TRPC4: variants seen among roughly 807,000 people sequenced by gnomAD.
TRPC4 encodes transient receptor potential cation channel subfamily C member 4.
In TRPC4, 49 loss-of-function variants were observed where a neutral mutation model predicts 99.4. That is an observed-to-expected ratio of 0.49 (90% CI 0.39 to 0.63). TRPC4 has a LOEUF of 0.63. Among genes scored for constraint, TRPC4 ranks in the 20% least tolerant of loss-of-function variants. The probability of loss-of-function intolerance (pLI) is 0.00; values close to 1 mark genes in which losing one functional copy is unlikely to be tolerated. For synonymous variants in TRPC4, 454 were observed against 425.9 expected, an observed-to-expected ratio of 1.07 and a Z score of -0.81; for missense variants, 898 against 1,152.9, an observed-to-expected ratio of 0.78 and a Z score of 3.20.
In TRPC4 at chr13:37,635,621, T is replaced by C. The variant is rs1029541699; in HGVS notation, c.*1282A>G. ...TTTTCTATTGATTTGAAATAAATGC[T>C]AATTTTATGTGGTGAAGAAACTTCC... On this transcript the variant is annotated 3_prime_UTR_variant, in exon 11 of 11. Transcript: ENST00000379705. Among the ~76,000 whole-genome samples the C allele has an allele frequency of 6.6e-6, 1 of 152,172 alleles. No homozygotes were observed. The highest frequency in any genetic ancestry group is 2.4e-5 in the African/African-American group (1 of 41,456).
At chr13:37,797,872 T>TA (rs1354293175) in intron 1 of TRPC4, among the ~76,000 whole-genome samples, 1 of 152,180 alleles carries the variant, frequency 6.6e-6, no homozygotes, top group Non-Finnish European at 1.5e-5. Flanking sequence ...AGAATTTTGT[T>TA]ATTCTGCACA....
At position 37,633,524 on chromosome 13, in the gene TRPC4, T is replaced by C. The variant is rs1242350680; in HGVS notation, c.*3379A>G. Among the ~76,000 whole-genome samples the C allele has an allele frequency of 7.9e-5, 12 of 152,176 alleles. No individual in the cohort carries two copies. Among genetic ancestry groups the C allele is most frequent in the Admixed American group, 6.6e-4 (10 of 15,260 alleles). On this transcript the variant is annotated 3_prime_UTR_variant, in exon 11 of 11. Coordinates refer to ENST00000379705, the MANE Select transcript of TRPC4 (RefSeq NM_016179.4). ...TAAGGATTATTGAATGTTAGAAGAA[T>C]ATATTCTTATGCTATTGTTACTTAT...
At chr13:37,658,851 C>A (rs986200237) in intron 6 of TRPC4, among the ~76,000 whole-genome samples, 1 of 152,008 alleles carries the variant, frequency 6.6e-6, no homozygotes, top group African/African-American at 2.4e-5. Flanking sequence ...GCATAGAAGA[C>A]ATGGATCACA....
In TRPC4 at chr13:37,783,118, A is replaced by T. The variant is rs1322122202; in HGVS notation, c.216T>A (p.Thr72=). 6.2e-7 allele frequency: 1 copy of T among 1,613,348 alleles called. No individual in the cohort carries two copies. Among genetic ancestry groups the T allele is most frequent in the Non-Finnish European group, 8.5e-7 (1 of 1,179,732 alleles). The change falls in exon 2 of 11, where the codon ACT becomes ACA. Residue 72 remains threonine, a synonymous_variant. Coordinates refer to ENST00000379705, the MANE Select transcript of TRPC4 (RefSeq NM_016179.4). ...CATTTTCAATTGCAATGAGGAGAGC[A>T]GTTCTTCCGAGAGGATCAATGCAAT... is the stretch of plus-strand genomic sequence containing the variant. The part of the protein sequence containing the change: ...NINCIDPLGR[T]ALLIAIENEN...
intron 1 of TRPC4, among the ~76,000 whole-genome samples, chr13:37,826,914 C>G (rs1958240307): frequency 1.3e-5 from 2 of 152,278 alleles, no homozygotes; most frequent in Admixed American, 6.5e-5. Flanking sequence ...GTACACCAAT[C>G]AGACGTAGAT....
intron 1 of TRPC4, among the ~76,000 whole-genome samples, chr13:37,796,648 C>G (rs1044635595): frequency 6.6e-6 from 1 of 151,982 alleles, no homozygotes; most frequent in Admixed American, 6.6e-5. Context: ...TACCTCAGAT[C>G]TGAAGCTTGT....
chr13:37,718,020 G>T (rs1340053464), intron 3 of TRPC4, among the ~76,000 whole-genome samples: 2 of 152,048 alleles, frequency 1.3e-5, no homozygotes. Flanking sequence ...TACCACTGTG[G>T]TACATTGTGG....
At chr13:37,732,326 G>GTCC (rs1276773194) in intron 3 of TRPC4, among the ~76,000 whole-genome samples, 37 of 152,186 alleles carry the variant, frequency 2.4e-4, no homozygotes, top group African/African-American at 8.4e-4. Flanking sequence ...CTAGTCAGAG[G>GTCC]TAATTGTTTT....
chr13:37,674,671 T>A (rs965401051), intron 4 of TRPC4, among the ~76,000 whole-genome samples: 3 of 152,166 alleles, frequency 2.0e-5, no homozygotes, highest in Non-Finnish European at 4.4e-5. Flanking sequence ...ATATTTCCCT[T>A]GGAAAATAAC....
rs866174884 is a variant in TRPC4, at chr13:37,632,791, C to G, written c.*4112G>C. 6.6e-6 allele frequency among the ~76,000 whole-genome samples: 1 copy of G among 152,034 alleles called. No homozygotes were observed. The highest frequency in any genetic ancestry group is 6.6e-5 in the Admixed American group (1 of 15,254). On this transcript the variant is annotated 3_prime_UTR_variant, in exon 11 of 11. Coordinates refer to ENST00000379705, the MANE Select transcript of TRPC4 (RefSeq NM_016179.4). Reference sequence around the variant, plus strand: ...GTATTTTCTGAAAACAGTAAGAAACCAGCTTTTTAAAAATTCTCTTAACAC... The same window carrying G: ...GTATTTTCTGAAAACAGTAAGAAACGAGCTTTTTAAAAATTCTCTTAACAC...
Position 37,639,095 on chromosome 13 carries a change from G to A in TRPC4, c.2156C>T (p.Ala719Val). The A allele has an allele frequency of 6.2e-7, 1 of 1,613,664 alleles. No homozygotes were observed. Among genetic ancestry groups the A allele is most frequent in the Non-Finnish European group, 8.5e-7 (1 of 1,179,650 alleles). Residue 719 changes from alanine to valine, a missense_variant, in exon 10 of 11, where the codon GCT becomes GTT. Transcript: ENST00000379705. ...VMRNLVKRYV[A>V]AMIRDAKTEE... is the part of the protein sequence containing the mutation. Reference sequence around the variant, plus strand: ...AGTTTTAGCATCTCTAATCATTGCAGCAACGTATCGCTTCACCAGGTTCCT... The same window carrying A: ...AGTTTTAGCATCTCTAATCATTGCAACAACGTATCGCTTCACCAGGTTCCT...
At chr13:37,834,562 T>C (rs1355777720) in intron 1 of TRPC4, among the ~76,000 whole-genome samples, 1 of 152,220 alleles carries the variant, frequency 6.6e-6, no homozygotes, top group African/African-American at 2.4e-5. Context: ...AACTAAATTC[T>C]GACATGCAAG....
intron 2 of TRPC4, among the ~76,000 whole-genome samples, chr13:37,756,364 A>G (rs1431652763): frequency 6.6e-6 from 1 of 152,146 alleles, no homozygotes; most frequent in Non-Finnish European, 1.5e-5. Flanking sequence ...TAAAAGACTA[A>G]ACAGAATTCA....
At chr13:37,864,125 C>T (rs1959582173) in intron 1 of TRPC4, among the ~76,000 whole-genome samples, 1 of 151,660 alleles carries the variant, frequency 6.6e-6, no homozygotes, top group Non-Finnish European at 1.5e-5. Flanking sequence ...CACAATGGAA[C>T]ATCATGTATT....
chr13:37,859,277 C>T (rs989216508), intron 1 of TRPC4, among the ~76,000 whole-genome samples: 16 of 151,176 alleles, frequency 1.1e-4, no homozygotes, highest in African/African-American at 3.9e-4. Flanking sequence ...AAGCTACATA[C>T]ATCTTTATTT....
chr13:37,682,974 A>G (rs1593503508), intron 4 of TRPC4, among the ~76,000 whole-genome samples: 1 of 136,224 alleles, frequency 7.3e-6, no homozygotes, highest in Admixed American at 8.1e-5. Context: ...TATGTTGGCC[A>G]GGCTGGTCTT....
intron 2 of TRPC4, among the ~76,000 whole-genome samples, chr13:37,758,428 A>C (rs1272561517): frequency 1.3e-4 from 20 of 151,838 alleles, no homozygotes; most frequent in African/African-American, 4.6e-4. Flanking sequence ...AGGATTATTT[A>C]CCAAAACCAG....
intron 3 of TRPC4, among the ~76,000 whole-genome samples, chr13:37,724,264 A>G (rs1256548993): frequency 6.6e-6 from 1 of 152,188 alleles, no homozygotes; most frequent in African/African-American, 2.4e-5. Flanking sequence ...GTGTAGGCCC[A>G]TAAGTGTGTA....
intron 2 of TRPC4, among the ~76,000 whole-genome samples, chr13:37,760,954 A>G (rs142481196): frequency 0.015 from 2,253 of 152,072 alleles, 44 homozygotes; most frequent in African/African-American, 0.051. Flanking sequence ...TTTTCTGTCT[A>G]CTTTGAATTA....
Sources: allele counts gnomAD v4.1 joint callset (sites outside exome capture counted in the v4.1 genomes callset), GRCh38; gene constraint gnomAD v4.1.1; transcripts MANE v1.5; gene names NCBI Gene and HGNC (gene_info 2026-07-23, HGNC 2026-07-21).